Variants in KMT5B observed in about 807,000 individuals in gnomAD.
KMT5B encodes the protein lysine methyltransferase 5B.
Under a neutral mutation model 83.2 loss-of-function variants are expected in KMT5B, and 10 were observed. The observed-to-expected ratio is 0.12, with a 90% CI of 0.07 to 0.20. KMT5B has a LOEUF of 0.20. KMT5B is among the 10% of genes least tolerant of loss of function. The probability of loss-of-function intolerance (pLI) is 1.00; values close to 1 mark genes in which losing one functional copy is unlikely to be tolerated. For synonymous variants in KMT5B, 349 were observed against 388.8 expected (o/e 0.90, Z 1.20); for missense variants, 753 against 1,067.2 (o/e 0.71, Z 4.10).
chr11:68,179,056 A>T (rs968217616), intron 4 of KMT5B, among the ~76,000 whole-genome samples: 1 of 152,188 alleles, frequency 6.6e-6, no homozygotes, highest in Admixed American at 6.5e-5. Context: ...TTCCTGTTAT[A>T]TCACCTGGCT....
Position 68,185,894 on chromosome 11 carries a change from G to A in KMT5B, c.195C>T (p.Arg65=). The A allele has an allele frequency of 6.2e-7, 1 of 1,611,428 alleles. No homozygotes were observed. The change falls in exon 3 of 11, where the codon CGC becomes CGT. Residue 65 remains arginine (R), a synonymous_variant. Transcript: ENST00000304363. ...NGNSGFEGQS[R]YVPSSGMSAK... is the part of the protein sequence containing the mutation. ...CGGACATTCCAGAGGATGGTACATAGCGACTCTGTCCTTCAAATCCCGAGT... is the reference window on the plus strand; with the variant it reads ...CGGACATTCCAGAGGATGGTACATAACGACTCTGTCCTTCAAATCCCGAGT...
chr11:68,165,825 A>AG, intron 10 of KMT5B: 3 of 1,609,602 alleles, frequency 1.9e-6, no homozygotes, highest in Non-Finnish European at 2.5e-6. Context: ...ATAGGGCTAC[A>AG]GCGCTGCTTT....
chr11:68,210,717 C>A (rs1442365875), intron 1 of KMT5B, among the ~76,000 whole-genome samples: 4 of 152,162 alleles, frequency 2.6e-5, no homozygotes, highest in Non-Finnish European at 5.9e-5. Context: ...AATGGATCAC[C>A]CCCTGCATTT....
At chr11:68,180,498 C>T (rs951423118) in intron 3 of KMT5B, among the ~76,000 whole-genome samples, 5 of 151,934 alleles carry the variant, frequency 3.3e-5, no homozygotes, top group African/African-American at 1.2e-4. Flanking sequence ...TATTCATATC[C>T]AATAGTGGAT....
chr11:68,156,454 AAT>A lies in KMT5B; in HGVS notation c.*1232_*1233del, dbSNP rs1859302517. On this transcript the variant is annotated 3_prime_UTR_variant, in exon 11 of 11. Coordinates refer to ENST00000304363, the MANE Select transcript of KMT5B (RefSeq NM_017635.5). ...TCTGACTCCTTTTTGTTTAACTGAT[AAT>A]ATAGTCAAAAAAATCTTTGATGTTT... The A allele has an allele frequency of 6.5e-6, 1 of 152,772 alleles. No individual in the cohort carries two copies. The highest frequency in any genetic ancestry group is 1.9e-4 in the East Asian group (1 of 5,192). 9.5% of individuals were successfully genotyped at this position (152,772 alleles called of 1,614,324 possible).
At chr11:68,189,882 C>T (rs1857856841) in intron 2 of KMT5B, 35 bp downstream of exon 2, 3 of 1,586,108 alleles carry the variant, frequency 1.9e-6, no homozygotes, top group Non-Finnish European at 2.6e-6. Flanking sequence ...CCCCATATCA[C>T]AATCAGAACA....
At chr11:68,168,125 G>A (rs1454294731) in intron 9 of KMT5B, among the ~76,000 whole-genome samples, 1 of 152,154 alleles carries the variant, frequency 6.6e-6, no homozygotes, top group African/African-American at 2.4e-5. Context: ...GCAGTGAGTT[G>A]AGATCGAAAC....
intron 1 of KMT5B, among the ~76,000 whole-genome samples, chr11:68,197,137 A>AT (rs1017532546): frequency 4.3e-4 from 65 of 150,898 alleles, no homozygotes; most frequent in African/African-American, 1.4e-3. Context: ...CACCTGGCTA[A>AT]TTTTTTTTTG....
Position 68,166,990 on chromosome 11 carries a change from T to C in KMT5B, c.1166A>G (p.Asn389Ser). Residue 389 changes from asparagine (N) to serine (S), a missense_variant, in exon 10 of 11, where the codon AAC (asparagine) becomes AGC (serine). This residue lies in a region of KMT5B where 397 missense variants were observed against 395.9 expected (regional missense o/e 1.00). Transcript: ENST00000304363. ...NTDADTTQEK[N>S]NATSNRKSSV... ...AAATCTCCCTTACTTACTTGCATTG[T>C]TTTTTTCCTGAGTGGTATCTGCATC... is the stretch of plus-strand genomic sequence containing the variant. The C allele has an allele frequency of 1.2e-6, 2 of 1,613,840 alleles. No individual in the cohort carries two copies. Among genetic ancestry groups the C allele is most frequent in the South Asian group, 2.2e-5 (2 of 91,064 alleles).
At chr11:68,211,989 T>G (rs1327900971) in intron 1 of KMT5B, among the ~76,000 whole-genome samples, 1 of 152,200 alleles carries the variant, frequency 6.6e-6, no homozygotes, top group East Asian at 1.9e-4. Flanking sequence ...TAAATCTGTA[T>G]TTACAGCAAG....
chr11:68,211,600 T>A (rs1470651746), intron 1 of KMT5B, among the ~76,000 whole-genome samples: 2 of 152,188 alleles, frequency 1.3e-5, no homozygotes, highest in Non-Finnish European at 2.9e-5. Flanking sequence ...TACCTGCCCG[T>A]GGGCGGACGA....
chr11:68,201,658 T>G (rs999315908), intron 1 of KMT5B, among the ~76,000 whole-genome samples: 1 of 152,192 alleles, frequency 6.6e-6, no homozygotes, highest in Non-Finnish European at 1.5e-5. Flanking sequence ...CCTGTGACAT[T>G]ACCGAGAACC....
chr11:68,197,849 C>T lies in KMT5B; in HGVS notation c.-76-7697G>A, dbSNP rs115589732. On this transcript the variant is annotated intron_variant, in intron 1 of 10. Transcript: ENST00000304363. ...CATATGATAAAAGCTATCAAAAGAT[C>T]TTTCTTAAACTGATAAATGAAACAT... Among the ~76,000 whole-genome samples the T allele has an allele frequency of 6.4e-3, 978 of 152,246 alleles. 10 individuals are homozygous for T. The highest frequency in any genetic ancestry group is 0.023 in the African/African-American group (947 of 41,540).
Position 68,157,382 on chromosome 11 carries a change from C to T in KMT5B, c.*306G>A. 4.5e-6 allele frequency: 1 copy of T among 222,812 alleles called. No homozygotes were observed. Among genetic ancestry groups the T allele is most frequent in the East Asian group, 9.9e-5 (1 of 10,106 alleles). 13.8% of individuals were successfully genotyped at this position (222,812 alleles called of 1,614,324 possible). ...TTAAAAAAACTGTGTAGCCACATTA[C>T]TGTTTTCAACGTCCTGTGTGGAAAG... On this transcript the variant is annotated 3_prime_UTR_variant, in exon 11 of 11. Transcript: ENST00000304363.
rs896323348 is a variant in KMT5B, at chr11:68,198,823, G to A, written c.-76-8671C>T. 1.5e-4 allele frequency among the ~76,000 whole-genome samples: 23 copies of A among 152,060 alleles called. 1 individual carries two copies. Among genetic ancestry groups the A allele is most frequent in the African/African-American group, 5.1e-4 (21 of 41,416 alleles). On this transcript the variant is annotated intron_variant, in intron 1 of 10. Transcript: ENST00000304363. ...TGGCTCACTGCAACCTCCGCTTCCC[G>A]GGTTCAAGCCATTCTCCTGCCTCAA...
At chr11:68,204,177 T>G (rs1859782828) in intron 1 of KMT5B, among the ~76,000 whole-genome samples, 1 of 152,178 alleles carries the variant, frequency 6.6e-6, no homozygotes, top group African/African-American at 2.4e-5. Flanking sequence ...ACACCATCAC[T>G]AAGTTTTGAA....
Position 68,156,547 on chromosome 11 carries a change from A to G in KMT5B, c.*1141T>C, listed in dbSNP as rs1046832312. 5 of 152,642 alleles carry G rather than the reference A, an allele frequency of 3.3e-5. No homozygotes were observed. Among genetic ancestry groups the G allele is most frequent in the South Asian group, 2.1e-4 (1 of 4,832 alleles). The allele number at this position is 152,642 out of a possible 1,614,324, so 9.5% of individuals were successfully genotyped here. A position where few individuals can be genotyped will look rare whatever the true frequency, so the allele number is the denominator to read the frequency against. ...CCACTGATGCAGTGCTTAAAACTAT[A>G]TATTTATAATTTCCTATTTTATTGG... On this transcript the variant is annotated 3_prime_UTR_variant, in exon 11 of 11. Transcript: ENST00000304363.
chr11:68,190,054 T>C lies in KMT5B; in HGVS notation c.23A>G (p.Lys8Arg), dbSNP rs1305114380. The C allele has an allele frequency of 1.9e-6, 3 of 1,614,106 alleles. No homozygotes were observed. The highest frequency in any genetic ancestry group is 1.7e-6 in the Non-Finnish European group (2 of 1,179,974). The stretch of plus-strand genomic sequence containing the variant: ...TCTCCTGCCATTCACCACCATGTTC[T>C]TGGATTCTCCCAACCACTTCATACC... Reference protein sequence around the residue: MKWLGESKNMVVNGRRNG... With the variant: MKWLGESRNMVVNGRRNG... Residue 8 changes from lysine to arginine, a missense_variant, in exon 2 of 11, where the codon AAG becomes AGG. Lys to Arg is a conservative substitution (Grantham distance 26). Around this residue, in one of 9 missense-constraint regions of KMT5B, gnomAD observed 56 missense variants for 91.4 expected, o/e 0.61. Coordinates refer to ENST00000304363, the MANE Select transcript of KMT5B (RefSeq NM_017635.5).
chr11:68,194,360 T>A (rs1244676619), intron 1 of KMT5B, among the ~76,000 whole-genome samples: 1 of 151,876 alleles, frequency 6.6e-6, no homozygotes, highest in Admixed American at 6.6e-5. Flanking sequence ...CCCGCCTAAT[T>A]TTTGTATTTT....
Sources: gnomAD v4.1 joint callset for allele counts (sites outside exome capture counted in the v4.1 genomes callset) on GRCh38, gnomAD v4.1.1 for gene constraint, gnomAD v4.1.1 regional missense constraint, MANE v1.5 for transcripts, NCBI Gene and HGNC (gene_info 2026-07-23, HGNC 2026-07-21) for gene names.